Variants in ADCY10 observed in about 807,000 individuals in gnomAD.
ADCY10 encodes adenylate cyclase type 10.
Under a neutral mutation model 183.3 loss-of-function variants are expected in ADCY10, and 156 were observed. That is an observed-to-expected ratio of 0.85 (90% CI 0.75 to 0.97). ADCY10 has a LOEUF of 0.97. ADCY10 is among the 50% of genes least tolerant of loss of function. ADCY10 has a pLI of 0.00. For missense variants in ADCY10, 1,745 were observed against 1,934.3 expected (o/e 0.90, Z 1.84); for synonymous variants, 645 against 670.0 (o/e 0.96, Z 0.58).
chr1:167,880,262 G>C, intron 10 of ADCY10, 71 bp from the exon 11 acceptor site: 4 of 1,367,958 alleles, frequency 2.9e-6, no homozygotes, highest in South Asian at 2.4e-5. Flanking sequence ...TGGGAAGGGT[G>C]GGAAATAATG....
chr1:167,885,925 T>G (rs1668191995), intron 8 of ADCY10, among the ~76,000 whole-genome samples: 1 of 152,058 alleles, frequency 6.6e-6, no homozygotes, highest in Non-Finnish European at 1.5e-5. Flanking sequence ...TATTCAGACC[T>G]TTTACCCATT....
At chr1:167,831,429 G>T (rs554412479) in intron 25 of ADCY10, among the ~76,000 whole-genome samples, 38 of 152,240 alleles carry the variant, frequency 2.5e-4, no homozygotes, top group African/African-American at 8.7e-4. Context: ...CCCAACTTCA[G>T]GCAATCCGCC....
chr1:167,874,135 C>A (rs1215735564), intron 13 of ADCY10, among the ~76,000 whole-genome samples: 3 of 152,114 alleles, frequency 2.0e-5, no homozygotes, highest in African/African-American at 7.2e-5. Context: ...AGATCAAGAC[C>A]AGTCTGGCCA....
intron 14 of ADCY10, among the ~76,000 whole-genome samples, chr1:167,865,045 T>C (rs1666585371): frequency 6.6e-6 from 1 of 152,192 alleles, no homozygotes; most frequent in Non-Finnish European, 1.5e-5. Flanking sequence ...AAGAATTATC[T>C]GCGAAAGTCA....
chr1:167,837,166 C>T (rs888425988), intron 22 of ADCY10, 83 bp downstream of exon 22: 3 of 1,319,170 alleles, frequency 2.3e-6, no homozygotes, highest in Non-Finnish European at 3.3e-6. Context: ...AAAGTACTGG[C>T]CAGACAAATG....
intron 6 of ADCY10, among the ~76,000 whole-genome samples, chr1:167,899,153 C>G (rs527261301): frequency 6.6e-6 from 1 of 152,174 alleles, no homozygotes; most frequent in East Asian, 1.9e-4. Context: ...TAAGCAAGGT[C>G]GCTAGCCCCT....
intron 15 of ADCY10, among the ~76,000 whole-genome samples, chr1:167,860,297 G>A (rs1008494548): frequency 6.6e-6 from 1 of 152,146 alleles, no homozygotes; most frequent in Non-Finnish European, 1.5e-5. Context: ...CTCATAAGGA[G>A]CATGCAACCT....
At chr1:167,899,205 A>G (rs1172570619) in intron 6 of ADCY10, among the ~76,000 whole-genome samples, 4 of 152,178 alleles carry the variant, frequency 2.6e-5, no homozygotes, top group South Asian at 2.1e-4. Context: ...TCAGTTACCC[A>G]TAAAGAAGCC....
intron 8 of ADCY10, among the ~76,000 whole-genome samples, chr1:167,884,694 A>ATTTTT (rs71100911): frequency 3.7e-5 from 4 of 108,628 alleles, no homozygotes; most frequent in Non-Finnish European, 5.5e-5. Context: ...AATCATTTTA[A>ATTTTT]TTTTTTTTTT....
chr1:167,878,633 T>C lies in ADCY10; in HGVS notation c.1219A>G (p.Ile407Val). The change falls in exon 12 of 33, where the codon ATT becomes GTT. Residue 407 changes from isoleucine to valine, a missense_variant and splice_region_variant. Ile to Val is a conservative substitution (Grantham distance 29). Coordinates refer to ENST00000367851, the MANE Select transcript of ADCY10 (RefSeq NM_018417.6). ...GHTVRHEYTV[I>V]GQKVNLAARM... The stretch of plus-strand genomic sequence containing the variant: ...GCAGCTAAGTTGACTTTTTGACCAA[T>C]GACTATAGCAAGAAAGAGAAAGTCA... 1.2e-6 allele frequency: 2 copies of C among 1,613,864 alleles called. No homozygotes were observed. The highest frequency in any genetic ancestry group is 2.2e-5 in the South Asian group (2 of 91,072).
Position 167,836,571 on chromosome 1 carries a change from CTT to C in ADCY10, c.3078-33_3078-32del, listed in dbSNP as rs772521027. ...CATATGCAGAAATAAATAATAGTAA[CTT>C]ATACAGTATCACTTTTGATATTAAA... On this transcript the variant is annotated intron_variant, in intron 22 of 32. Coordinates refer to ENST00000367851, the MANE Select transcript of ADCY10 (RefSeq NM_018417.6). 67 of 1,398,474 alleles carry C rather than the reference CTT, an allele frequency of 4.8e-5. No homozygotes were observed. In the South Asian group the frequency reaches 5.8e-4, roughly 12 times the overall value. 86.6% of individuals were successfully genotyped at this position (1,398,474 alleles called of 1,614,324 possible).
intron 8 of ADCY10, among the ~76,000 whole-genome samples, chr1:167,892,037 A>ACC (rs753636503): frequency 1 from 151,398 of 151,406 alleles, 75,695 homozygotes; most frequent in Middle Eastern, 1. Flanking sequence ...GCAGTGGAGC[A>ACC]ATCTCGGCTC....
chr1:167,895,709 C>T (rs560587495), intron 7 of ADCY10, among the ~76,000 whole-genome samples: 7 of 152,138 alleles, frequency 4.6e-5, no homozygotes, highest in East Asian at 1.9e-4. Flanking sequence ...GTCTGAGACT[C>T]GGGTGATGTA....
At chr1:167,907,383 C>T (rs559715447) in intron 1 of ADCY10, among the ~76,000 whole-genome samples, 43 of 152,358 alleles carry the variant, frequency 2.8e-4, no homozygotes, top group African/African-American at 8.9e-4. Context: ...GCTCACACTA[C>T]ATGTCCCTTG....
At chr1:167,890,944 CATTT>C (rs549411800) in intron 8 of ADCY10, among the ~76,000 whole-genome samples, 1 of 152,110 alleles carries the variant, frequency 6.6e-6, no homozygotes, top group Non-Finnish European at 1.5e-5. Context: ...CCTCATCCAA[CATTT>C]ATTTATTTAT....
intron 13 of ADCY10, among the ~76,000 whole-genome samples, chr1:167,872,287 G>T (rs1171314779): frequency 6.6e-6 from 1 of 151,796 alleles, no homozygotes; most frequent in Admixed American, 6.6e-5. Flanking sequence ...ACAGTAAGCC[G>T]AGATGGCGCC....
At chr1:167,862,938 C>T (rs1336853096) in intron 14 of ADCY10, among the ~76,000 whole-genome samples, 2 of 152,038 alleles carry the variant, frequency 1.3e-5, no homozygotes, top group Admixed American at 1.3e-4. Context: ...AATGGATTGT[C>T]CCAAAGATAG....
In ADCY10 at chr1:167,845,818, T is replaced by A; in HGVS notation, c.2752A>T (p.Asn918Tyr). Residue 918 changes from asparagine (N) to tyrosine (Y), a missense_variant, in exon 21 of 33, where the codon AAT becomes TAT. Asn to Tyr is a moderately radical substitution (Grantham distance 143). Coordinates refer to ENST00000367851, the MANE Select transcript of ADCY10 (RefSeq NM_018417.6). ...ATCCTGTGGCACTCGATCACCTCAT[T>A]CTCCAGTTCACGAAGCTGTTCCTCT... ...GEEEQLRELENEVIECHRIRF... is the reference protein window; with the variant it reads ...GEEEQLRELEYEVIECHRIRF... The A allele has an allele frequency of 6.2e-7, 1 of 1,614,194 alleles. No individual in the cohort carries two copies. Among genetic ancestry groups the A allele is most frequent in the Non-Finnish European group, 8.5e-7 (1 of 1,180,046 alleles).
At chr1:167,909,252 G>A (rs1207751175) in intron 1 of ADCY10, among the ~76,000 whole-genome samples, 2 of 152,092 alleles carry the variant, frequency 1.3e-5, no homozygotes, top group South Asian at 2.1e-4. Flanking sequence ...TCACCTGATG[G>A]AATATACCAC....
Sources: allele counts gnomAD v4.1 joint callset (sites outside exome capture counted in the v4.1 genomes callset), GRCh38; gene constraint gnomAD v4.1.1; transcripts MANE v1.5; gene names NCBI Gene and HGNC (gene_info 2026-07-23, HGNC 2026-07-21).